The following PDE4D variants were observed in gnomAD, a reference collection of about 807,000 sequenced individuals.
PDE4D encodes phosphodiesterase 4D.
PDE4D carries 24 observed loss-of-function variants against 87.4 expected under a neutral mutation model. The ratio of observed to expected loss-of-function variants is 0.27; its 90% CI spans 0.20 to 0.39. PDE4D has a LOEUF of 0.39. PDE4D is among the 10% of genes least tolerant of loss of function. The probability of loss-of-function intolerance (pLI) is 1.00; values close to 1 mark genes in which losing one functional copy is unlikely to be tolerated. For synonymous variants in PDE4D, 384 were observed against 383.2 expected (o/e 1.00, Z -0.02); for missense variants, 714 against 1,041.0 (o/e 0.69, Z 4.32).
At chr5:59,139,439 C>T (rs1013144928) in intron 5 of PDE4D, among the ~76,000 whole-genome samples, 12 of 151,966 alleles carry the variant, frequency 7.9e-5, no homozygotes, top group African/African-American at 2.9e-4. Context: ...TAAACTTTAC[C>T]CTGAAGGCAT....
intron 1 of PDE4D, among the ~76,000 whole-genome samples, chr5:60,206,741 G>A (rs1742574757): frequency 6.6e-6 from 1 of 152,126 alleles, no homozygotes; most frequent in Non-Finnish European, 1.5e-5. Flanking sequence ...TTAATAGCAG[G>A]ACTCATACCT....
intron 1 of PDE4D, among the ~76,000 whole-genome samples, chr5:60,231,096 G>A (rs1223420228): frequency 1.3e-5 from 2 of 152,046 alleles, no homozygotes; most frequent in Non-Finnish European, 2.9e-5. Context: ...TCATAAAGTA[G>A]AAAGAAATTA....
intron 1 of PDE4D, among the ~76,000 whole-genome samples, chr5:60,422,727 C>G (rs1307652177): frequency 6.6e-6 from 1 of 152,062 alleles, no homozygotes; most frequent in Non-Finnish European, 1.5e-5. Flanking sequence ...GCTAAATGCT[C>G]CAATTAAAAG....
At chr5:59,255,420 G>T (rs1760785718) in intron 1 of PDE4D, among the ~76,000 whole-genome samples, 1 of 152,060 alleles carries the variant, frequency 6.6e-6, no homozygotes, top group African/African-American at 2.4e-5. Context: ...AAGGGAGGCA[G>T]GTGATATGGA....
chr5:59,882,006 C>T (rs561630792), intron 1 of PDE4D, among the ~76,000 whole-genome samples: 204 of 152,226 alleles, frequency 1.3e-3, no homozygotes, highest in Middle Eastern at 3.4e-3. Flanking sequence ...CAAAGTTTGG[C>T]CTATCCCATT....
chr5:59,722,100 A>T (rs1755915364), intron 1 of PDE4D, among the ~76,000 whole-genome samples: 1 of 152,208 alleles, frequency 6.6e-6, no homozygotes, highest in Non-Finnish European at 1.5e-5. Flanking sequence ...CAGAACAATT[A>T]AAAAGGTTTG....
intron 1 of PDE4D, among the ~76,000 whole-genome samples, chr5:59,285,950 C>T (rs1283470540): frequency 6.6e-6 from 1 of 152,154 alleles, no homozygotes; most frequent in Non-Finnish European, 1.5e-5. Context: ...CAATCTGCAA[C>T]CCCTCACTCT....
At chr5:59,970,697 T>C (rs1326539923) in intron 3 of PDE4D, among the ~76,000 whole-genome samples, 1 of 148,596 alleles carries the variant, frequency 6.7e-6, no homozygotes, top group Non-Finnish European at 1.5e-5. Context: ...CATTAAAAAG[T>C]CAGGAAGCAA....
chr5:59,817,151 C>T (rs963238831), intron 1 of PDE4D, among the ~76,000 whole-genome samples: 1 of 152,204 alleles, frequency 6.6e-6, no homozygotes, highest in Admixed American at 6.5e-5. Flanking sequence ...CCTAAATTCC[C>T]AGCTGACGGA....
intron 1 of PDE4D, among the ~76,000 whole-genome samples, chr5:60,345,832 A>C (rs1171911655): frequency 6.6e-6 from 1 of 152,140 alleles, no homozygotes. Context: ...AACTGCAATT[A>C]CTGGGCCAGG....
chr5:59,241,204 C>A (rs1037510319), intron 1 of PDE4D, among the ~76,000 whole-genome samples: 1 of 152,146 alleles, frequency 6.6e-6, no homozygotes, highest in African/African-American at 2.4e-5. Context: ...AAACAAGATC[C>A]TATTGAAGTT....
intron 2 of PDE4D, among the ~76,000 whole-genome samples, chr5:60,111,121 AT>A (rs917101264): frequency 6.6e-6 from 1 of 151,978 alleles, no homozygotes; most frequent in African/African-American, 2.4e-5. Context: ...GTTAGCTATA[AT>A]CCATTGTGTA....
At chr5:59,707,625 C>A (rs1209985914) in intron 1 of PDE4D, among the ~76,000 whole-genome samples, 1 of 152,090 alleles carries the variant, frequency 6.6e-6, no homozygotes, top group Admixed American at 6.6e-5. Flanking sequence ...GGTATTAAGA[C>A]CAGCATGCAT....
chr5:60,012,376 T>C (rs1383406542), intron 2 of PDE4D, among the ~76,000 whole-genome samples: 4 of 152,234 alleles, frequency 2.6e-5, no homozygotes, highest in African/African-American at 9.6e-5. Flanking sequence ...AATGATTTCA[T>C]TTTATTCTAT....
intron 1 of PDE4D, among the ~76,000 whole-genome samples, chr5:59,454,533 C>A (rs1799630722): frequency 6.6e-6 from 1 of 152,118 alleles, no homozygotes; most frequent in South Asian, 2.1e-4. Context: ...CCTATTAAAC[C>A]TCTTTTTCTC....
At chr5:59,521,085 T>G (rs7703658) in intron 1 of PDE4D, among the ~76,000 whole-genome samples, 1 of 150,668 alleles carries the variant, frequency 6.6e-6, no homozygotes. Context: ...ATTTCAAGGG[T>G]GATTAAGGAA....
chr5:59,182,392 G>C (rs1269352162), intron 4 of PDE4D, among the ~76,000 whole-genome samples: 1 of 151,714 alleles, frequency 6.6e-6, no homozygotes, highest in East Asian at 1.9e-4. Flanking sequence ...CTCTCAAGTA[G>C]CTGGGACTAC....
At chr5:60,379,276 A>G (rs1238826560) in intron 1 of PDE4D, among the ~76,000 whole-genome samples, 1 of 151,796 alleles carries the variant, frequency 6.6e-6, no homozygotes, top group African/African-American at 2.4e-5. Flanking sequence ...TTTTATTTTT[A>G]GAAACACTTT....
intron 1 of PDE4D, among the ~76,000 whole-genome samples, chr5:59,697,482 T>C (rs1328080026): frequency 6.6e-6 from 1 of 152,210 alleles, no homozygotes; most frequent in African/African-American, 2.4e-5. Flanking sequence ...AGGTATTCAA[T>C]GAATATCTAT....
Sources: allele counts gnomAD v4.1 joint callset (sites outside exome capture counted in the v4.1 genomes callset), GRCh38; gene constraint gnomAD v4.1.1; transcripts MANE v1.5; gene names NCBI Gene and HGNC (gene_info 2026-07-23, HGNC 2026-07-21).